TECTA: variants seen among roughly 807,000 people sequenced by gnomAD.
TECTA encodes the protein tectorin alpha, also known as alpha-tectorin.
TECTA carries 128 observed loss-of-function variants against 216.8 expected under a neutral mutation model. That is an observed-to-expected ratio of 0.59 (90% CI 0.51 to 0.68). The LOEUF (loss-of-function observed/expected upper bound fraction) is 0.68. TECTA is among the 30% of genes least tolerant of loss of function. TECTA has a pLI of 0.00. For missense variants in TECTA, 2,551 were observed against 2,786.2 expected, an observed-to-expected ratio of 0.92 and a Z score of 1.90; for synonymous variants, 1,089 against 1,117.1, an observed-to-expected ratio of 0.97 and a Z score of 0.50.
rs540895345 is a variant in TECTA, at chr11:121,181,422, CT to C, written c.6000-6403del. 5.5e-4 allele frequency among the ~76,000 whole-genome samples: 82 copies of C among 149,254 alleles called. 1 individual carries two copies. The highest frequency in any genetic ancestry group is 4.6e-3 in the Admixed American group (69 of 15,096). The stretch of plus-strand genomic sequence containing the variant: ...TCTTTCTCAGGTATTTCATAGATTT[CT>C]TTTTTTGTTGGAATGTGTTGCTGGA... On this transcript the variant is annotated intron_variant, in intron 20 of 23. Coordinates refer to ENST00000392793, the MANE Select transcript of TECTA (RefSeq NM_005422.4).
intron 20 of TECTA, among the ~76,000 whole-genome samples, chr11:121,171,060 G>T (rs1365851303): frequency 6.6e-6 from 1 of 152,080 alleles, no homozygotes; most frequent in East Asian, 1.9e-4. Flanking sequence ...TATAGTTTCT[G>T]GTTGCACATT....
At chr11:121,152,048 T>C (rs1946895328) in intron 12 of TECTA, among the ~76,000 whole-genome samples, 1 of 152,250 alleles carries the variant, frequency 6.6e-6, no homozygotes, top group Non-Finnish European at 1.5e-5. Flanking sequence ...TCTGTATTTA[T>C]AGATAAGAAA....
At chr11:121,121,243 C>T (rs1946555679) in intron 7 of TECTA, among the ~76,000 whole-genome samples, 1 of 152,226 alleles carries the variant, frequency 6.6e-6, no homozygotes, top group Non-Finnish European at 1.5e-5. Flanking sequence ...TCGGTGCATG[C>T]TGGCTCCCTG....
rs1400291902 is a variant in TECTA at position 121,105,711 on chromosome 11, T to C, written c.65-120T>C. The C allele has an allele frequency of 3.1e-6, 4 of 1,275,786 alleles. No homozygotes were observed. Among genetic ancestry groups the C allele is most frequent in the Non-Finnish European group, 4.4e-6 (4 of 901,868 alleles). The allele number at this position is 1,275,786 out of a possible 1,614,324, so 79.0% of individuals were successfully genotyped here. The stretch of plus-strand genomic sequence containing the variant: ...GTTTAGGATGAATGACAGGGCAGTA[T>C]GACTTGCATTCAGCTTGCAAGCCCT... On this transcript the variant is annotated intron_variant, in intron 2 of 23. Transcript: ENST00000392793. This position sits in a 1 kb window ranked among gnomAD's most constrained non-coding sequence, Gnocchi z 5.3.
In TECTA at chr11:121,127,538, T is replaced by C. The variant is rs1439896704; in HGVS notation, c.1775-214T>C. ...TTTAGTCAAGATGATCAAATTCCAA[T>C]AGAAGTTCACAGTCCAATCATGCTG... On this transcript the variant is annotated intron_variant, in intron 8 of 23. Transcript: ENST00000392793. The surrounding 1 kb of genome is among the most constrained non-coding windows in gnomAD (Gnocchi z 5.0). Among the ~76,000 whole-genome samples the C allele has an allele frequency of 6.6e-6, 1 of 152,150 alleles. No individual in the cohort carries two copies. The highest frequency in any genetic ancestry group is 1.5e-5 in the Non-Finnish European group (1 of 68,026).
At chr11:121,150,779 G>A (rs1946883116) in intron 12 of TECTA, among the ~76,000 whole-genome samples, 1 of 151,620 alleles carries the variant, frequency 6.6e-6, no homozygotes, top group Non-Finnish European at 1.5e-5. Flanking sequence ...CCAAGTAGCT[G>A]GGACTAAAGG....
intron 20 of TECTA, among the ~76,000 whole-genome samples, chr11:121,170,473 G>A (rs1947100592): frequency 1.3e-5 from 2 of 151,612 alleles, no homozygotes; most frequent in Non-Finnish European, 2.9e-5. Context: ...GTTTTGTTTT[G>A]CATGTGTGTG....
At position 121,128,176 on chromosome 11, in the gene TECTA, C is replaced by G. The variant is rs397517145; in HGVS notation, c.2199C>G (p.Ser733=). 5 of 1,609,332 alleles carry G rather than the reference C, an allele frequency of 3.1e-6. No homozygotes were observed. The Admixed American group carries it at 5.0e-5, about 16-fold the overall frequency. ...TFDGASYAFP[S]EFSYTLLKTC... ...ACGGCGCCTCCTACGCCTTCCCCTC[C>G]GAGTTCTCCTACACCCTCCTGAAGA... Residue 733 remains serine, a synonymous_variant, in exon 9 of 24, where the codon TCC becomes TCG. Transcript: ENST00000392793.
chr11:121,153,079 A>G lies in TECTA; in HGVS notation c.4304A>G (p.Glu1435Gly), dbSNP rs1183684922. The change falls in exon 13 of 24, where the codon GAG (glutamate) becomes GGG (glycine). Residue 1435 changes from glutamate to glycine, a missense_variant and splice_region_variant. Glu to Gly is a moderately conservative substitution (Grantham distance 98). Transcript: ENST00000392793. ...CGCYSDGKYYEPKQLFWNSDC... is the reference protein window; with the variant it reads ...CGCYSDGKYYGPKQLFWNSDC... Reference sequence around the variant, plus strand: ...TGCTACTCCGATGGCAAATATTACGAGGTATGGGAGGCCAGCCCGGCCTTT... The same window carrying G: ...TGCTACTCCGATGGCAAATATTACGGGGTATGGGAGGCCAGCCCGGCCTTT... The G allele has an allele frequency of 1.9e-6, 3 of 1,612,890 alleles. No homozygotes were observed. In the South Asian group the frequency reaches 3.3e-5, roughly 18 times the overall value.
chr11:121,152,965 A>G lies in TECTA; in HGVS notation c.4190A>G (p.Asp1397Gly). 6.2e-7 allele frequency: 1 copy of G among 1,613,930 alleles called. No individual in the cohort carries two copies. ...TGCGCCGCCATCCGCCTGAAGAGTGACTGCAGCCACTACTGCGTGGAGGGC... is the reference window on the plus strand; with the variant it reads ...TGCGCCGCCATCCGCCTGAAGAGTGGCTGCAGCCACTACTGCGTGGAGGGC... ...PRCAAIRLKS[D>G]CSHYCVEGCH... The change falls in exon 13 of 24, where the codon GAC becomes GGC. Residue 1397 changes from aspartate to glycine, a missense_variant. By Grantham distance (94) the Asp-to-Gly change is moderately conservative. Coordinates refer to ENST00000392793, the MANE Select transcript of TECTA (RefSeq NM_005422.4).
chr11:121,179,679 G>T (rs1947205537), intron 20 of TECTA, among the ~76,000 whole-genome samples: 1 of 151,924 alleles, frequency 6.6e-6, no homozygotes, highest in Non-Finnish European at 1.5e-5. Flanking sequence ...AATAATATTT[G>T]CTTTACATAT....
chr11:121,102,939 C>T (rs935021236), intron 2 of TECTA, among the ~76,000 whole-genome samples: 1 of 152,152 alleles, frequency 6.6e-6, no homozygotes, highest in African/African-American at 2.4e-5. Context: ...TATTTAACTT[C>T]AAATACTATT....
rs368274319 is a variant in TECTA at position 121,187,861 on chromosome 11, G to A, written c.6029G>A (p.Gly2010Asp). ...CAGAACCTCAAAGATAACACCATTGGCATCGAGGAGAATGCAGTCTCCCTG... is the reference window on the plus strand; with the variant it reads ...CAGAACCTCAAAGATAACACCATTGACATCGAGGAGAATGCAGTCTCCCTG... ...GCQNLKDNTI[G>D]IEENAVSLTC... Residue 2010 changes from glycine (G) to aspartate (D), a missense_variant, in exon 21 of 24, where the codon GGC becomes GAC. Physicochemically the swap from Gly to Asp is moderately conservative, Grantham distance 94 (BLOSUM62 -1). Around this residue, in one of 3 missense-constraint regions of TECTA, gnomAD observed 58 missense variants for 105.9 expected, o/e 0.55. Transcript: ENST00000392793. 2 of 1,614,172 alleles carry A rather than the reference G, an allele frequency of 1.2e-6. No homozygotes were observed. The highest frequency in any genetic ancestry group is 1.7e-5 in the Admixed American group (1 of 60,020).
intron 3 of TECTA, 92 bp from the exon 4 acceptor site, chr11:121,109,119 T>C: frequency 7.0e-7 from 1 of 1,431,426 alleles, no homozygotes; most frequent in Non-Finnish European, 9.7e-7. Context: ...TTGTTTTCAT[T>C]CATACAGTTA....
rs562281 is a variant in TECTA at position 121,169,238 on chromosome 11, A to T, written c.5999+313A>T. ...CTGTGCTGTTTACTTTGAACTTCAA[A>T]TTGGGAAGAATGTGGAATTCTGCAA... On this transcript the variant is annotated intron_variant, in intron 20 of 23. Coordinates refer to ENST00000392793, the MANE Select transcript of TECTA (RefSeq NM_005422.4). Among the ~76,000 whole-genome samples the T allele has an allele frequency of 0.46, 70,166 of 152,060 alleles. 18,883 individuals are homozygous for T. Among genetic ancestry groups the T allele is most frequent in the African/African-American group, 0.75 (31,282 of 41,492 alleles).
intron 20 of TECTA, among the ~76,000 whole-genome samples, chr11:121,182,870 G>A (rs1027168636): frequency 6.6e-6 from 1 of 152,158 alleles, no homozygotes; most frequent in Non-Finnish European, 1.5e-5. Context: ...GGTGGGTGGG[G>A]CAGGCCTGTC....
At chr11:121,157,754 C>T (rs1008604663) in intron 13 of TECTA, 87 bp from the exon 14 acceptor site, 7 of 1,596,684 alleles carry the variant, frequency 4.4e-6, no homozygotes, top group Middle Eastern at 2.3e-4. Flanking sequence ...GCTAGCCAAG[C>T]CTGATAAAAG....
At position 121,129,671 on chromosome 11, in the gene TECTA, C is replaced by T. The variant is rs1946650953; in HGVS notation, c.2401C>T (p.His801Tyr). The change falls in exon 10 of 24, where the codon CAT becomes TAT. Residue 801 changes from histidine (H) to tyrosine (Y), a missense_variant. Coordinates refer to ENST00000392793, the MANE Select transcript of TECTA (RefSeq NM_005422.4). ...TCAGGAAGTGGAATTGCCTTTTTTC[C>T]ATCCTTCGGGGAAGCTGGAAATTTA... is the stretch of plus-strand genomic sequence containing the variant. Reference protein sequence around the residue: ...NGQEVELPFFHPSGKLEIYRN... With the variant: ...NGQEVELPFFYPSGKLEIYRN... 6 of 1,614,118 alleles carry T rather than the reference C, an allele frequency of 3.7e-6. No homozygotes were observed. In the East Asian group the frequency reaches 1.1e-4, roughly 30 times the overall value.
intron 10 of TECTA, among the ~76,000 whole-genome samples, chr11:121,136,124 A>C (rs1318764672): frequency 6.6e-6 from 1 of 151,720 alleles, no homozygotes; most frequent in Non-Finnish European, 1.5e-5. Flanking sequence ...ACGCCTGGCT[A>C]ATTTTTTTTG....
Sources: gnomAD v4.1 joint callset for allele counts (sites outside exome capture counted in the v4.1 genomes callset) on GRCh38, gnomAD v4.1.1 for gene constraint, gnomAD v4.1.1 regional missense constraint, Gnocchi (gnomAD v3.1) non-coding constraint, MANE v1.5 for transcripts, NCBI Gene and HGNC (gene_info 2026-07-23, HGNC 2026-07-21) for gene names.